The following SGCZ variants were observed in gnomAD, a reference collection of about 807,000 sequenced individuals.
SGCZ encodes the protein zeta-sarcoglycan.
A neutral mutation model predicts 41.3 loss-of-function variants in SGCZ; 40 were observed. The observed-to-expected ratio is 0.97, with a 90% confidence interval of 0.75 to 1.26. The LOEUF is 1.26. SGCZ is among the 50% of genes most tolerant of loss of function. The pLI is 0.00. For synonymous variants in SGCZ, 206 were observed against 137.5 expected (o/e 1.50, Z -3.49); for missense variants, 552 against 369.8 (o/e 1.49, Z -4.04).
chr8:14,134,343 G>A (rs1803130468), intron 5 of SGCZ, among the ~76,000 whole-genome samples: 2 of 152,132 alleles, frequency 1.3e-5, no homozygotes, highest in Non-Finnish European at 2.9e-5. Flanking sequence ...CATGTATCAT[G>A]ATGCAGGGAA....
intron 1 of SGCZ, among the ~76,000 whole-genome samples, chr8:14,774,576 C>T (rs1317142807): frequency 6.6e-6 from 1 of 152,144 alleles, no homozygotes. Flanking sequence ...GGTATTAGAA[C>T]AAAGCTTTAA....
intron 1 of SGCZ, among the ~76,000 whole-genome samples, chr8:15,164,058 G>C (rs1171250248): frequency 2.0e-5 from 3 of 152,192 alleles, no homozygotes; most frequent in Non-Finnish European, 4.4e-5. Flanking sequence ...GAGGGTTCCT[G>C]TTTCCCCCTT....
chr8:14,390,885 A>T (rs1161029331), intron 2 of SGCZ, among the ~76,000 whole-genome samples: 1 of 152,130 alleles, frequency 6.6e-6, no homozygotes, highest in East Asian at 1.9e-4. Flanking sequence ...AAATAGTAAA[A>T]TGTCCAACTT....
intron 3 of SGCZ, among the ~76,000 whole-genome samples, chr8:14,300,595 G>A (rs1025511880): frequency 6.6e-6 from 1 of 151,904 alleles, no homozygotes; most frequent in South Asian, 2.1e-4. Flanking sequence ...CATGACATAG[G>A]TATGGAAAGG....
At chr8:15,180,819 A>G (rs960627506) in intron 1 of SGCZ, among the ~76,000 whole-genome samples, 12 of 151,814 alleles carry the variant, frequency 7.9e-5, no homozygotes, top group Non-Finnish European at 1.5e-5. Context: ...CCCAGGAGGC[A>G]GAGTTTGCAG....
intron 2 of SGCZ, among the ~76,000 whole-genome samples, chr8:14,515,209 C>G (rs1167376742): frequency 6.6e-6 from 1 of 152,004 alleles, no homozygotes; most frequent in Non-Finnish European, 1.5e-5. Flanking sequence ...TTCTAGGCTA[C>G]TGACATTAAT....
intron 1 of SGCZ, among the ~76,000 whole-genome samples, chr8:14,625,302 C>G (rs564378786): frequency 1.3e-5 from 2 of 152,224 alleles, no homozygotes; most frequent in East Asian, 3.9e-4. Context: ...CATGGATCAT[C>G]TAGTGACATT....
intron 1 of SGCZ, among the ~76,000 whole-genome samples, chr8:14,601,447 G>C (rs1168388392): frequency 6.7e-6 from 1 of 148,430 alleles, no homozygotes; most frequent in Non-Finnish European, 1.5e-5. Context: ...TCTTGAAGTT[G>C]GTTCCTTTTT....
At chr8:14,792,306 T>A (rs1227344980) in intron 1 of SGCZ, among the ~76,000 whole-genome samples, 1 of 152,204 alleles carries the variant, frequency 6.6e-6, no homozygotes, top group Non-Finnish European at 1.5e-5. Flanking sequence ...CACTAATCAA[T>A]ATAGGTTACA....
intron 4 of SGCZ, among the ~76,000 whole-genome samples, chr8:14,196,323 G>T (rs986853101): frequency 6.6e-6 from 1 of 151,112 alleles, no homozygotes; most frequent in Non-Finnish European, 1.5e-5. Flanking sequence ...GAGTGCAATG[G>T]TGTGATCTCC....
intron 5 of SGCZ, among the ~76,000 whole-genome samples, chr8:14,129,393 A>G (rs1802966875): frequency 1.3e-5 from 2 of 150,456 alleles, no homozygotes; most frequent in South Asian, 4.2e-4. Flanking sequence ...GTACTCATAA[A>G]TTTATAGAAA....
intron 3 of SGCZ, among the ~76,000 whole-genome samples, chr8:14,239,137 C>T (rs1204498343): frequency 6.6e-6 from 1 of 151,700 alleles, no homozygotes; most frequent in African/African-American, 2.4e-5. Context: ...TATCCAAATT[C>T]TGTTTAAAGT....
intron 1 of SGCZ, among the ~76,000 whole-genome samples, chr8:15,194,785 A>T (rs767601061): frequency 9.2e-5 from 14 of 152,022 alleles, no homozygotes; most frequent in Non-Finnish European, 2.1e-4. Context: ...GATTTCAGAA[A>T]GCAGCCCTGC....
chr8:15,138,816 T>C (rs972105794), intron 1 of SGCZ, among the ~76,000 whole-genome samples: 3 of 152,118 alleles, frequency 2.0e-5, no homozygotes, highest in Non-Finnish European at 4.4e-5. Flanking sequence ...AAGATAAAAA[T>C]GTTTAAACCA....
At chr8:14,266,356 T>C (rs755308509) in intron 3 of SGCZ, among the ~76,000 whole-genome samples, 2 of 152,118 alleles carry the variant, frequency 1.3e-5, no homozygotes, top group South Asian at 2.1e-4. Flanking sequence ...ATCAATATGA[T>C]GATAATATGT....
rs1012913691 is a variant in SGCZ at position 14,309,268 on chromosome 8, T to C, written c.336+14835A>G. 6.5e-6 allele frequency: 10 copies of C among 1,545,660 alleles called. No homozygotes were observed. In the African/African-American group the frequency reaches 1.2e-4, roughly 19 times the overall value. ...TGTACAACCATATCCAGTTGTCTAG[T>C]AATTTAATGCCTGGCTGTGACTACT... On this transcript the variant is annotated intron_variant, in intron 3 of 7. Coordinates refer to ENST00000382080, the MANE Select transcript of SGCZ (RefSeq NM_139167.4).
intron 1 of SGCZ, among the ~76,000 whole-genome samples, chr8:14,800,976 C>A (rs1187946859): frequency 6.6e-6 from 1 of 152,106 alleles, no homozygotes; most frequent in African/African-American, 2.4e-5. Flanking sequence ...CAAAGGATAT[C>A]AAGAACAAAG....
intron 1 of SGCZ, among the ~76,000 whole-genome samples, chr8:14,660,253 T>A (rs1167227865): frequency 6.6e-6 from 1 of 151,960 alleles, no homozygotes; most frequent in African/African-American, 2.4e-5. Context: ...AATAAAAGGG[T>A]TGAAGGGTTA....
At chr8:14,251,443 T>C (rs1039102052) in intron 3 of SGCZ, among the ~76,000 whole-genome samples, 1 of 152,130 alleles carries the variant, frequency 6.6e-6, no homozygotes, top group Non-Finnish European at 1.5e-5. Context: ...CATTAAACTC[T>C]GCTGTTGTAG....
Sources: allele counts gnomAD v4.1 joint callset (sites outside exome capture counted in the v4.1 genomes callset), GRCh38; gene constraint gnomAD v4.1.1; transcripts MANE v1.5; gene names NCBI Gene and HGNC (gene_info 2026-07-23, HGNC 2026-07-21).